The following CCNJL variants were observed in gnomAD, a reference collection of about 807,000 sequenced individuals.
CCNJL encodes cyclin J like.
CCNJL carries 33 observed loss-of-function variants against 33.4 expected under a neutral mutation model. The observed-to-expected ratio is 0.99, with a 90% CI of 0.75 to 1.32. CCNJL has a LOEUF of 1.32. Ranked by LOEUF, CCNJL falls within the 40% of genes most tolerant of loss-of-function variation. CCNJL has a pLI of 0.00. For synonymous variants in CCNJL, 227 were observed against 220.9 expected, an observed-to-expected ratio of 1.03 and a Z score of -0.24; for missense variants, 512 against 499.7, an observed-to-expected ratio of 1.02 and a Z score of -0.23.
In CCNJL at chr5:160,255,383, C is replaced by T. The variant is rs201270262; in HGVS notation, c.743+166G>A. 1.4e-3 allele frequency: 807 copies of T among 568,978 alleles called. 25 individuals carry two copies. The South Asian group carries it at 0.024, about 17-fold the overall frequency. 35.2% of individuals were successfully genotyped at this position (568,978 alleles called of 1,614,324 possible). A position where few individuals can be genotyped will look rare whatever the true frequency, so the allele number is the denominator to read the frequency against. ...AAATAGGAAGAACTGGTTCTCGAAA[C>T]CCCACTTCTACCAGGAGTCACCATG... On this transcript the variant is annotated intron_variant, in intron 5 of 5. Transcript: ENST00000257536.
At chr5:160,266,412 A>G (rs1761589461) in intron 3 of CCNJL, among the ~76,000 whole-genome samples, 2 of 152,224 alleles carry the variant, frequency 1.3e-5, no homozygotes, top group Middle Eastern at 3.2e-3. Context: ...AACTTCTACC[A>G]GCTTTATTTA....
Position 160,259,558 on chromosome 5 carries a change from T to C in CCNJL, c.494A>G (p.His165Arg), listed in dbSNP as rs199773805. Residue 165 changes from histidine to arginine, a missense_variant, in exon 4 of 6, where the codon CAC becomes CGC. Physicochemically the swap from His to Arg is conservative, Grantham distance 29. Transcript: ENST00000257536. ...LLASVSQKDH[H>R]CHTWPTTCPR... ...GCAGGTGGTGGGCCAGGTGTGGCAG[T>C]GGTGGTCCTTCTGGCTGACGGAGGC... 6.2e-7 allele frequency: 1 copy of C among 1,613,926 alleles called. No individual in the cohort carries two copies. The highest frequency in any genetic ancestry group is 1.3e-5 in the African/African-American group (1 of 74,892).
intron 2 of CCNJL, among the ~76,000 whole-genome samples, chr5:160,310,607 C>G (rs1374028019): frequency 6.6e-6 from 1 of 152,118 alleles, no homozygotes; most frequent in Non-Finnish European, 1.5e-5. Flanking sequence ...CAGTAGTGTC[C>G]CCCCAAATGT....
Position 160,306,539 on chromosome 5 carries a change from G to A in CCNJL, c.66+5319C>T, listed in dbSNP as rs1243365425. ...TAAAGTTACCAGCTCATGTCAAGCA[G>A]AGCTTATCAACATGGCTTTGGGAGG... is the stretch of plus-strand genomic sequence containing the variant. On this transcript the variant is annotated intron_variant, in intron 2 of 5. Transcript: ENST00000257536. Among the ~76,000 whole-genome samples the A allele has an allele frequency of 2.0e-5, 3 of 152,180 alleles. No individual in the cohort carries two copies. In the South Asian group the frequency reaches 6.2e-4, roughly 32 times the overall value.
At position 160,250,225 on chromosome 5, in the gene CCNJL, T is replaced by A. The variant is rs1037917094; in HGVS notation, c.*3153A>T. On this transcript the variant is annotated 3_prime_UTR_variant, in exon 6 of 6. Coordinates refer to ENST00000257536, the MANE Select transcript of CCNJL (RefSeq NM_001308173.3). Reference sequence around the variant, plus strand: ...AGAACCATCCACCAACTTGACCATCTCCATAGTAACAGATGGAGAAATGGA... The same window carrying A: ...AGAACCATCCACCAACTTGACCATCACCATAGTAACAGATGGAGAAATGGA... 3 of 152,098 alleles carry A rather than the reference T, an allele frequency of 2.0e-5. No individual in the cohort carries two copies. Among genetic ancestry groups the A allele is most frequent in the African/African-American group, 7.2e-5 (3 of 41,400 alleles). The allele number at this position is 152,098 out of a possible 1,614,324, so 9.4% of individuals were successfully genotyped here. A position where few individuals can be genotyped will look rare whatever the true frequency, so the allele number is the denominator to read the frequency against.
intron 2 of CCNJL, among the ~76,000 whole-genome samples, chr5:160,291,036 T>TAAAA (rs1177369719): frequency 0.031 from 1,753 of 56,514 alleles, 32 homozygotes; most frequent in East Asian, 0.071. Flanking sequence ...CGTCTTTACT[T>TAAAA]AAAAAAAAAA....
At chr5:160,259,364 G>A in intron 4 of CCNJL, 105 bp downstream of exon 4, 1 of 986,950 alleles carries the variant, frequency 1.0e-6, no homozygotes, top group Non-Finnish European at 1.5e-6. Flanking sequence ...AGGCCCCAGT[G>A]AGAAGGCCTG....
intron 2 of CCNJL, among the ~76,000 whole-genome samples, chr5:160,287,525 T>C (rs971353952): frequency 6.6e-6 from 1 of 152,244 alleles, no homozygotes. Context: ...AGAATCTAGC[T>C]GATCACTTCG....
At chr5:160,290,503 A>G (rs1253078736) in intron 2 of CCNJL, among the ~76,000 whole-genome samples, 3 of 152,048 alleles carry the variant, frequency 2.0e-5, no homozygotes, top group Admixed American at 6.6e-5. Flanking sequence ...CCTGACTTCA[A>G]GTGATCTGCC....
intron 2 of CCNJL, among the ~76,000 whole-genome samples, chr5:160,287,113 T>C (rs538139282): frequency 8.5e-5 from 13 of 152,262 alleles, no homozygotes; most frequent in Non-Finnish European, 1.6e-4. Flanking sequence ...GTTCCACTAT[T>C]TACCAACCTT....
At chr5:160,298,274 C>T (rs1762813048) in intron 2 of CCNJL, among the ~76,000 whole-genome samples, 1 of 151,994 alleles carries the variant, frequency 6.6e-6, no homozygotes, top group South Asian at 2.1e-4. Flanking sequence ...GCATGAGAAT[C>T]GCTTGAATCC....
At chr5:160,275,346 A>G (rs1761975456) in intron 3 of CCNJL, among the ~76,000 whole-genome samples, 1 of 152,106 alleles carries the variant, frequency 6.6e-6, no homozygotes, top group Non-Finnish European at 1.5e-5. Flanking sequence ...TTGGCCTCCT[A>G]AAGTGCTGGG....
At chr5:160,337,003 CTT>C (rs35461944) in intron 1 of CCNJL, among the ~76,000 whole-genome samples, 2,509 of 94,914 alleles carry the variant, frequency 0.026, 35 homozygotes, top group African/African-American at 0.086. Flanking sequence ...CTTTTTCTTT[CTT>C]TTTTTTTTTT....
chr5:160,338,451 T>G (rs1393726711), intron 1 of CCNJL, among the ~76,000 whole-genome samples: 2 of 148,334 alleles, frequency 1.3e-5, no homozygotes, highest in African/African-American at 5.0e-5. Context: ...CTGGAACGTA[T>G]CTTCATTTTA....
intron 2 of CCNJL, among the ~76,000 whole-genome samples, chr5:160,299,312 G>A (rs1236074431): frequency 3.9e-5 from 6 of 152,052 alleles, no homozygotes; most frequent in Non-Finnish European, 8.8e-5. Context: ...AACAGGCCCG[G>A]CTAATTTTTT....
intron 2 of CCNJL, among the ~76,000 whole-genome samples, chr5:160,303,587 C>T (rs1227558741): frequency 1.3e-5 from 2 of 151,766 alleles, no homozygotes; most frequent in Non-Finnish European, 2.9e-5. Context: ...AGGACACACA[C>T]CAAAAATGTC....
At chr5:160,258,194 T>C (rs1580944989) in intron 4 of CCNJL, 2 of 528,540 alleles carry the variant, frequency 3.8e-6, no homozygotes, top group Non-Finnish European at 3.4e-6. Context: ...TGGTAGGTTA[T>C]GGGATGGTTG....
At chr5:160,314,109 C>T (rs1004506176), upstream of CCNJL, among the ~76,000 whole-genome samples, 1 of 152,222 alleles carries the variant, frequency 6.6e-6, no homozygotes, top group African/African-American at 2.4e-5. Flanking sequence ...GCGGAGGTTG[C>T]AGTGAGCCGA....
At chr5:160,257,098 G>C (rs1338558150) in intron 4 of CCNJL, among the ~76,000 whole-genome samples, 1 of 152,010 alleles carries the variant, frequency 6.6e-6, no homozygotes, top group Non-Finnish European at 1.5e-5. Flanking sequence ...TCCTAGCAAT[G>C]AGCAGGGCAT....
Sources: allele counts gnomAD v4.1 joint callset (sites outside exome capture counted in the v4.1 genomes callset), GRCh38; gene constraint gnomAD v4.1.1; transcripts MANE v1.5; gene names NCBI Gene and HGNC (gene_info 2026-07-23, HGNC 2026-07-21).